Variants in PARD3B observed in about 807,000 individuals in gnomAD.
PARD3B encodes partitioning defective 3 homolog B.
PARD3B carries 103 observed loss-of-function variants against 130.2 expected under a neutral mutation model. That is an observed-to-expected ratio of 0.79 (90% CI 0.67 to 0.93). The LOEUF (loss-of-function observed/expected upper bound fraction) is 0.93, where lower values mean the gene tolerates loss of function less well. Among genes scored for constraint, PARD3B ranks in the 40% least tolerant of loss-of-function variants. PARD3B has a pLI of 0.00. For missense variants in PARD3B, 1,609 were observed against 1,499.2 expected, an observed-to-expected ratio of 1.07 and a Z score of -1.21; for synonymous variants, 583 against 553.2, an observed-to-expected ratio of 1.05 and a Z score of -0.76.
intron 13 of PARD3B, among the ~76,000 whole-genome samples, chr2:205,180,071 A>C (rs2035701920): frequency 1.3e-5 from 2 of 152,032 alleles, no homozygotes; most frequent in Admixed American, 6.6e-5. Flanking sequence ...AGTGAAAAAA[A>C]TATATAAATT....
chr2:204,652,729 A>AGTTCTTTCTAC (rs2035520459), intron 1 of PARD3B, among the ~76,000 whole-genome samples: 2 of 151,724 alleles, frequency 1.3e-5, no homozygotes, highest in African/African-American at 4.9e-5. Flanking sequence ...GAGACTGGGT[A>AGTTCTTTCTAC]ATTTATGAGC....
Position 204,678,300 on chromosome 2 carries a change from G to A in PARD3B, c.121-7881G>A, listed in dbSNP as rs2036651228. Among the ~76,000 whole-genome samples the A allele has an allele frequency of 6.6e-6, 1 of 152,192 alleles. No individual in the cohort carries two copies. Among genetic ancestry groups the A allele is most frequent in the Admixed American group, 6.5e-5 (1 of 15,290 alleles). Reference sequence around the variant, plus strand: ...GCCCGCAACTTCTGGAGCCCCAGAGGTTGTGTATTACAAACAATGCCCTTT... The same window carrying A: ...GCCCGCAACTTCTGGAGCCCCAGAGATTGTGTATTACAAACAATGCCCTTT... On this transcript the variant is annotated intron_variant, in intron 1 of 22. Coordinates refer to ENST00000406610, the MANE Select transcript of PARD3B (RefSeq NM_001302769.2). This position sits in a 1 kb window ranked among gnomAD's most constrained non-coding sequence, Gnocchi z 4.2.
chr2:205,404,724 A>G (rs2046362483), intron 19 of PARD3B, among the ~76,000 whole-genome samples: 1 of 151,518 alleles, frequency 6.6e-6, no homozygotes. Context: ...TACGTTGTAC[A>G]GACTGGTCTC....
chr2:204,960,832 A>G (rs1317410497), intron 2 of PARD3B, among the ~76,000 whole-genome samples: 2 of 152,200 alleles, frequency 1.3e-5, no homozygotes, highest in South Asian at 2.1e-4. Flanking sequence ...GATGATACAC[A>G]TGGTATAAAA....
intron 2 of PARD3B, among the ~76,000 whole-genome samples, chr2:204,819,461 G>C (rs1225557594): frequency 6.6e-6 from 1 of 152,136 alleles, no homozygotes; most frequent in African/African-American, 2.4e-5. Flanking sequence ...CTGTTCTCCT[G>C]TCTTCTCTCT....
At chr2:204,894,244 A>C (rs968686243) in intron 2 of PARD3B, among the ~76,000 whole-genome samples, 9 of 152,072 alleles carry the variant, frequency 5.9e-5, no homozygotes, top group Admixed American at 3.9e-4. Flanking sequence ...TGTGTATTCT[A>C]CTTGAATCTG....
chr2:205,001,850 A>G (rs1260135649), intron 3 of PARD3B, among the ~76,000 whole-genome samples: 3 of 152,184 alleles, frequency 2.0e-5, no homozygotes, highest in Admixed American at 6.5e-5. Context: ...CAGCTCCACG[A>G]TGAGAGAAGC....
chr2:204,948,534 A>C (rs1229007516), intron 2 of PARD3B, among the ~76,000 whole-genome samples: 1 of 152,186 alleles, frequency 6.6e-6, no homozygotes, highest in African/African-American at 2.4e-5. Flanking sequence ...AAAAGCTCCC[A>C]GTTCTGACCA....
chr2:204,589,062 T>C (rs1339516819), intron 1 of PARD3B, among the ~76,000 whole-genome samples: 2 of 152,120 alleles, frequency 1.3e-5, no homozygotes, highest in Non-Finnish European at 2.9e-5. Flanking sequence ...GCCTCACCAG[T>C]GTGCTTAAGG....
intron 2 of PARD3B, among the ~76,000 whole-genome samples, chr2:204,835,597 A>T (rs1356084283): frequency 6.6e-6 from 1 of 152,182 alleles, no homozygotes; most frequent in Non-Finnish European, 1.5e-5. Flanking sequence ...TATTGATCTA[A>T]GATATGAATA....
intron 2 of PARD3B, among the ~76,000 whole-genome samples, chr2:204,808,565 T>C (rs1204318117): frequency 1.3e-5 from 2 of 152,120 alleles, no homozygotes; most frequent in Non-Finnish European, 2.9e-5. Flanking sequence ...CTCCCAATTA[T>C]AAGCAAGAAC....
chr2:205,076,581 A>G (rs1318785719), intron 4 of PARD3B, among the ~76,000 whole-genome samples: 1 of 152,172 alleles, frequency 6.6e-6, no homozygotes, highest in South Asian at 2.1e-4. Context: ...GCCAGGCTGC[A>G]CAGCAGGAGG....
At chr2:205,377,508 G>A (rs1348451081) in intron 18 of PARD3B, among the ~76,000 whole-genome samples, 1 of 152,040 alleles carries the variant, frequency 6.6e-6, no homozygotes, top group Non-Finnish European at 1.5e-5. Context: ...AAGAGGGAAA[G>A]AACCAGCACC....
intron 2 of PARD3B, among the ~76,000 whole-genome samples, chr2:204,822,863 T>C (rs1011137192): frequency 6.6e-6 from 1 of 152,200 alleles, no homozygotes; most frequent in Non-Finnish European, 1.5e-5. Context: ...ATATTAACTT[T>C]CCCCATTTTT....
chr2:204,632,946 G>C (rs1207695197), intron 1 of PARD3B, among the ~76,000 whole-genome samples: 2 of 152,118 alleles, frequency 1.3e-5, no homozygotes, highest in Non-Finnish European at 2.9e-5. Flanking sequence ...CTGCCATCTT[G>C]GCCTCCTCCC....
intron 2 of PARD3B, among the ~76,000 whole-genome samples, chr2:204,902,563 G>A (rs2046902025): frequency 6.6e-6 from 1 of 151,652 alleles, no homozygotes; most frequent in African/African-American, 2.4e-5. Flanking sequence ...CAGCTGCTCG[G>A]GAGGCTGAGG....
rs1321398884 is a variant in PARD3B, at chr2:205,073,187, A to G, written c.504+25497A>G. 2.0e-5 allele frequency among the ~76,000 whole-genome samples: 3 copies of G among 152,180 alleles called. No homozygotes were observed. In the East Asian group the frequency reaches 5.8e-4, roughly 29 times the overall value. On this transcript the variant is annotated intron_variant, in intron 4 of 22. Transcript: ENST00000406610. ...GAATAAATGGTTATTTGTGTGAATT[A>G]AAGTGGGCCACTTAAAAAATGTAAA...
At chr2:205,607,644 G>A (rs1179287933) in intron 22 of PARD3B, among the ~76,000 whole-genome samples, 1 of 152,192 alleles carries the variant, frequency 6.6e-6, no homozygotes, top group Non-Finnish European at 1.5e-5. Context: ...GTGCTCAGCA[G>A]GCTTATGAAT....
intron 3 of PARD3B, among the ~76,000 whole-genome samples, chr2:205,004,730 T>A (rs931935988): frequency 6.6e-6 from 1 of 152,216 alleles, no homozygotes; most frequent in Non-Finnish European, 1.5e-5. Flanking sequence ...TATTATCACT[T>A]CAAATATGTG....
Sources: gnomAD v4.1 joint callset for allele counts (sites outside exome capture counted in the v4.1 genomes callset) on GRCh38, gnomAD v4.1.1 for gene constraint, Gnocchi (gnomAD v3.1) non-coding constraint, MANE v1.5 for transcripts, NCBI Gene and HGNC (gene_info 2026-07-23, HGNC 2026-07-21) for gene names.